The following PCDH15 variants were observed in gnomAD, a reference collection of about 807,000 sequenced individuals.
PCDH15 encodes protocadherin related 15.
A neutral mutation model predicts 178.5 loss-of-function variants in PCDH15; 129 were observed. That is an observed-to-expected ratio of 0.72 (90% CI 0.63 to 0.84). The LOEUF is 0.84. PCDH15 is among the 40% of genes least tolerant of loss of function. The pLI is 0.00. For synonymous variants in PCDH15, 800 were observed against 732.0 expected (o/e 1.09, Z -1.50); for missense variants, 2,230 against 2,099.9 (o/e 1.06, Z -1.21).
rs1391882164 is a variant in PCDH15, at chr10:55,416,308, T to A, written c.-156+211317A>T. ...GTTATCGGAACTTAAGCTATTATAG[T>A]TAGCCTCAATTCAGATGAATAAGCA... is the stretch of plus-strand genomic sequence containing the variant. On this transcript the variant is annotated intron_variant, in intron 2 of 5. Coordinates refer to the PCDH15 transcript ENST00000613346. Among the ~76,000 whole-genome samples, 3 of 151,766 alleles carry A rather than the reference T, an allele frequency of 2.0e-5. No individual in the cohort carries two copies. The Admixed American group carries it at 2.0e-4, about 10-fold the overall frequency.
chr10:54,653,706 GT>G (rs1394402264), intron 2 of PCDH15, among the ~76,000 whole-genome samples: 1 of 152,140 alleles, frequency 6.6e-6, no homozygotes, highest in Non-Finnish European at 1.5e-5. Context: ...CATCTTAAAA[GT>G]GCCAACTCAG....
chr10:55,085,201 T>A (rs145880608), intron 2 of PCDH15, among the ~76,000 whole-genome samples: 1 of 151,746 alleles, frequency 6.6e-6, no homozygotes, highest in African/African-American at 2.4e-5. Flanking sequence ...AACAAATGAA[T>A]AAAGAAAAGG....
intron 20 of PCDH15, among the ~76,000 whole-genome samples, chr10:54,019,929 G>T (rs1328085780): frequency 6.6e-6 from 1 of 152,040 alleles, no homozygotes; most frequent in Admixed American, 6.6e-5. Flanking sequence ...CTTGATGGAA[G>T]TCACAGAGCT....
chr10:54,613,203 C>T (rs1474784620), intron 2 of PCDH15, among the ~76,000 whole-genome samples: 1 of 151,788 alleles, frequency 6.6e-6, no homozygotes, highest in African/African-American at 2.4e-5. Context: ...TTTAGAAGGA[C>T]TTCACTTTCT....
At chr10:54,877,082 G>A (rs1954158512) in intron 3 of PCDH15, among the ~76,000 whole-genome samples, 1 of 152,100 alleles carries the variant, frequency 6.6e-6, no homozygotes, top group African/African-American at 2.4e-5. Flanking sequence ...CAACATCAAG[G>A]TAATACCTTC....
chr10:53,870,885 A>T (rs1043548020), intron 26 of PCDH15, among the ~76,000 whole-genome samples: 3 of 152,178 alleles, frequency 2.0e-5, no homozygotes, highest in Admixed American at 2.0e-4. Context: ...GCAGTTTTAA[A>T]TCTGGGTCAA....
At chr10:54,946,505 G>A (rs1670834) in intron 2 of PCDH15, among the ~76,000 whole-genome samples, 33,344 of 151,462 alleles carry the variant, frequency 0.22, 4,000 homozygotes, top group African/African-American at 0.3. Context: ...CATTTGTTAC[G>A]CAAAAACATA....
At chr10:55,244,576 C>T (rs933645713) in intron 1 of PCDH15, among the ~76,000 whole-genome samples, 9 of 151,150 alleles carry the variant, frequency 6.0e-5, no homozygotes, top group East Asian at 3.9e-4. Flanking sequence ...AACTTATACA[C>T]ACACACACAC....
chr10:54,983,672 G>T (rs1839296134), intron 2 of PCDH15, among the ~76,000 whole-genome samples: 1 of 152,126 alleles, frequency 6.6e-6, no homozygotes, highest in Non-Finnish European at 1.5e-5. Context: ...ATGTTAGTAT[G>T]ATTCTTAATC....
At chr10:55,171,930 C>T (rs1263157393) in intron 1 of PCDH15, among the ~76,000 whole-genome samples, 1 of 151,734 alleles carries the variant, frequency 6.6e-6, no homozygotes, top group Non-Finnish European at 1.5e-5. Flanking sequence ...AAATCAATGC[C>T]AACAAGCTTT....
At chr10:54,747,806 A>ATTTTT (rs10628733) in intron 1 of PCDH15, among the ~76,000 whole-genome samples, 4,563 of 135,474 alleles carry the variant, frequency 0.034, 162 homozygotes, top group South Asian at 0.055. Flanking sequence ...CAATGGTTAC[A>ATTTTT]TTTTTTTTTT....
upstream of PCDH15, among the ~76,000 whole-genome samples, chr10:55,320,468 CCCACTGCTG>C: frequency 6.6e-6 from 1 of 152,132 alleles, no homozygotes; most frequent in East Asian, 1.9e-4. Flanking sequence ...TGCCATGTTG[CCCACTGCTG>C]GCCTGTGTAA....
intron 3 of PCDH15, among the ~76,000 whole-genome samples, chr10:54,841,457 G>T (rs1282266988): frequency 5.9e-5 from 9 of 151,388 alleles, no homozygotes; most frequent in Non-Finnish European, 1.2e-4. Flanking sequence ...TTAAGGAAAA[G>T]AATTCCAAAT....
intron 2 of PCDH15, among the ~76,000 whole-genome samples, chr10:55,334,788 G>A (rs954326325): frequency 2.0e-5 from 3 of 152,066 alleles, no homozygotes; most frequent in Admixed American, 6.6e-5. Flanking sequence ...ATTTTGGTAT[G>A]AAGACATTTT....
rs1280363858 is a variant in PCDH15, at chr10:54,236,920, G to A, written c.888C>T (p.Asn296=). The change falls in exon 9 of 38, where the codon AAC becomes AAT. Residue 296 remains asparagine, a synonymous_variant. Transcript: ENST00000644397. ...IPELRTPEEL[N]PIIVTPPIQA... ...GGATTGGTGGCGTAACAATAATGGGGTTCAGTTCTTCCTGAAAAAAAAATT... is the reference window on the plus strand; with the variant it reads ...GGATTGGTGGCGTAACAATAATGGGATTCAGTTCTTCCTGAAAAAAAAATT... The A allele has an allele frequency of 1.9e-6, 3 of 1,613,080 alleles. No individual in the cohort carries two copies. Among genetic ancestry groups the A allele is most frequent in the Admixed American group, 3.3e-5 (2 of 59,978 alleles).
Position 53,986,835 on chromosome 10 carries a change from C to T in PCDH15, c.2868+8814G>A, listed in dbSNP as rs532229139. 3.3e-5 allele frequency among the ~76,000 whole-genome samples: 5 copies of T among 152,298 alleles called. No individual in the cohort carries two copies. The East Asian group carries it at 5.8e-4, about 18-fold the overall frequency. On this transcript the variant is annotated intron_variant, in intron 21 of 37. Coordinates refer to ENST00000644397, the MANE Select transcript of PCDH15 (RefSeq NM_001384140.1). ...AAGGGAAAGGGGAAATAGGGAGTAG[C>T]TGTTCAAGGGTTATAAAGTTTTAAT... is the stretch of plus-strand genomic sequence containing the variant.
chr10:53,973,128 C>G (rs113701728), intron 21 of PCDH15, among the ~76,000 whole-genome samples: 26 of 152,092 alleles, frequency 1.7e-4, no homozygotes, highest in African/African-American at 6.0e-4. Context: ...AGGATGAGCT[C>G]ATGTCCTTTG....
chr10:54,660,676 C>A (rs2094476478), intron 2 of PCDH15, among the ~76,000 whole-genome samples: 1 of 151,992 alleles, frequency 6.6e-6, no homozygotes, highest in Admixed American at 6.6e-5. Context: ...AAACTACAGG[C>A]CAATATCCCT....
chr10:53,828,247 A>G lies in PCDH15; in HGVS notation c.4211+318T>C, dbSNP rs79302491. ...AAAAAAAAAAAAAAAAAAAATTCCT[A>G]GGAATGCCTGTGATTCTCATGTTAC... On this transcript the variant is annotated intron_variant, in intron 31 of 37. Transcript: ENST00000644397. Among the ~76,000 whole-genome samples, 6,430 of 144,914 alleles carry G rather than the reference A, an allele frequency of 0.044. 238 individuals carry two copies. Among genetic ancestry groups the G allele is most frequent in the East Asian group, 0.15 (724 of 4,930 alleles).
Sources: allele counts gnomAD v4.1 joint callset (sites outside exome capture counted in the v4.1 genomes callset), GRCh38; gene constraint gnomAD v4.1.1; transcripts MANE v1.5; gene names NCBI Gene and HGNC (gene_info 2026-07-23, HGNC 2026-07-21).